Variants in FANCG observed in about 807,000 individuals in gnomAD.
FANCG encodes the protein Fanconi anemia group G protein.
Under a neutral mutation model 73.3 loss-of-function variants are expected in FANCG, and 67 were observed. The observed-to-expected ratio is 0.91, with a 90% CI of 0.75 to 1.12. The LOEUF is 1.12. FANCG is among the 50% of genes most tolerant of loss of function. The probability of loss-of-function intolerance (pLI) is 0.00; values close to 1 mark genes in which losing one functional copy is unlikely to be tolerated. For synonymous variants in FANCG, 297 were observed against 311.6 expected (o/e 0.95, Z 0.49); for missense variants, 643 against 735.6 (o/e 0.87, Z 1.46).
At chr9:35,078,366 T>C (rs375129941) in intron 3 of FANCG, 23 bp from the exon 4 acceptor site, 476 of 1,604,060 alleles carry the variant, frequency 3.0e-4, no homozygotes, top group Non-Finnish European at 3.9e-4. Flanking sequence ...CACACACACA[T>C]AGACACACAC....
rs747280785 is a variant in FANCG, at chr9:35,078,594, C to G, written c.307+11G>C. 2 of 1,614,070 alleles carry G rather than the reference C, an allele frequency of 1.2e-6. No homozygotes were observed. Among genetic ancestry groups the G allele is most frequent in the Admixed American group, 1.7e-5 (1 of 60,008 alleles). On this transcript the variant is annotated intron_variant, in intron 3 of 13. Transcript: ENST00000378643. ...ATGGCAGGGGAATCAGGGACAATCT[C>G]TGGCCCTCACCTCTCTCTAGGCTCC...
At position 35,079,632 on chromosome 9, in the gene FANCG, C is replaced by A; in HGVS notation, c.-108G>T. 1 of 1,083,248 alleles carries A rather than the reference C, an allele frequency of 9.2e-7. No homozygotes were observed. The highest frequency in any genetic ancestry group is 2.4e-5 in the East Asian group (1 of 41,934). 67.1% of individuals were successfully genotyped at this position (1,083,248 alleles called of 1,614,324 possible). A position where few individuals can be genotyped will look rare whatever the true frequency, so the allele number is the denominator to read the frequency against. On this transcript the variant is annotated 5_prime_UTR_variant, in exon 1 of 14. Coordinates refer to ENST00000378643, the MANE Select transcript of FANCG (RefSeq NM_004629.2). Reference sequence around the variant, plus strand: ...GAGGGGCCTGGGCACTTCTGCACCCCGCCGAGCTCCCCTGCTTCTCTCGGG... The same window carrying A: ...GAGGGGCCTGGGCACTTCTGCACCCAGCCGAGCTCCCCTGCTTCTCTCGGG...
Position 35,073,988 on chromosome 9 carries a change from C to G in FANCG, c.*120G>C, listed in dbSNP as rs1587138056. On this transcript the variant is annotated 3_prime_UTR_variant, in exon 14 of 14. Transcript: ENST00000378643. Reference sequence around the variant, plus strand: ...CAAATTTCACAGGCCTACCACCAATCTCACCAGTCCAGGAATTATATAGGA... The same window carrying G: ...CAAATTTCACAGGCCTACCACCAATGTCACCAGTCCAGGAATTATATAGGA... The G allele has an allele frequency of 2.4e-6, 2 of 819,972 alleles. No homozygotes were observed. Among genetic ancestry groups the G allele is most frequent in the South Asian group, 2.8e-5 (2 of 72,032 alleles). 50.8% of individuals were successfully genotyped at this position (819,972 alleles called of 1,614,324 possible).
intron 2 of FANCG, 120 bp downstream of exon 2, chr9:35,079,031 T>C: frequency 1.1e-6 from 1 of 875,898 alleles, no homozygotes; most frequent in Non-Finnish European, 1.8e-6. Flanking sequence ...TCCAGTCTCC[T>C]CTGTGCCTTA....
In FANCG at chr9:35,077,295, A is replaced by C. The variant is rs1319654712; in HGVS notation, c.615T>G (p.Asp205Glu). 44 of 1,614,210 alleles carry C rather than the reference A, an allele frequency of 2.7e-5. No individual in the cohort carries two copies. The highest frequency in any genetic ancestry group is 3.7e-5 in the Non-Finnish European group (44 of 1,180,040). The stretch of plus-strand genomic sequence containing the variant: ...GGTAGGCAAATGCTGTCAGGAGGAC[A>C]TCCTTCAATCCCTGGGCATCCTGCA... The part of the protein sequence containing the change: ...LTLQDAQGLK[D>E]VLLTAFAYRQ... Residue 205 changes from aspartate to glutamate, a missense_variant, in exon 5 of 14, where the codon GAT becomes GAG. Physicochemically the swap from Asp to Glu is conservative, Grantham distance 45 (BLOSUM62 2). Transcript: ENST00000378643.
chr9:35,077,095 T>C lies in FANCG; in HGVS notation c.653A>G (p.Gln218Arg). ...LTAFAYRQGL[Q>R]ELITGNPDKA... is the part of the protein sequence containing the mutation. ...GTCTGGGTTCCCTGTGATCAGCTCCTGGAGACCTGAGGACAGTCAGGGTGT... is the reference window on the plus strand; with the variant it reads ...GTCTGGGTTCCCTGTGATCAGCTCCCGGAGACCTGAGGACAGTCAGGGTGT... Residue 218 changes from glutamine to arginine, a missense_variant, in exon 6 of 14, where the codon CAG becomes CGG. Gln to Arg is a conservative substitution (Grantham distance 43). Coordinates refer to ENST00000378643, the MANE Select transcript of FANCG (RefSeq NM_004629.2). The C allele has an allele frequency of 1.9e-6, 3 of 1,614,160 alleles. No homozygotes were observed. The highest frequency in any genetic ancestry group is 2.5e-6 in the Non-Finnish European group (3 of 1,180,014).
At position 35,079,570 on chromosome 9, in the gene FANCG, G is replaced by A. The variant is rs2131060493; in HGVS notation, c.-46C>T. On this transcript the variant is annotated 5_prime_UTR_variant, in exon 1 of 14. Transcript: ENST00000378643. ...GAGACCAGAAGCGGACTTAGGAAGGGTGAAGCTGGCCTGCCCAAGCTCCCA... is the reference window on the plus strand; with the variant it reads ...GAGACCAGAAGCGGACTTAGGAAGGATGAAGCTGGCCTGCCCAAGCTCCCA... 1 of 1,599,312 alleles carries A rather than the reference G, an allele frequency of 6.3e-7. No individual in the cohort carries two copies. Among genetic ancestry groups the A allele is most frequent in the Non-Finnish European group, 8.6e-7 (1 of 1,167,302 alleles).
rs756482885 is a variant in FANCG at position 35,078,354 on chromosome 9, TAC to T, written c.308-13_308-12del. The T allele has an allele frequency of 5.6e-6, 9 of 1,611,420 alleles. No homozygotes were observed. Among genetic ancestry groups the T allele is most frequent in the South Asian group, 1.1e-5 (1 of 90,998 alleles). On this transcript the variant is annotated splice_polypyrimidine_tract_variant and intron_variant, in intron 3 of 13. Transcript: ENST00000378643. ...CCTGTGTCTCCAGCACTGTAGAGTA[TAC>T]ACACACACATAGACACACACACAGC...
At chr9:35,077,928 A>G in intron 4 of FANCG, 4 of 597,108 alleles carry the variant, frequency 6.7e-6, no homozygotes, top group Non-Finnish European at 9.0e-6. Flanking sequence ...ATGAGCCACC[A>G]TGCCTGTCCA....
Position 35,076,238 on chromosome 9 carries a change from A to T in FANCG, c.1076+194T>A, listed in dbSNP as rs543995364. Reference sequence around the variant, plus strand: ...GGGAAGAGACTTCAGAGTGTCAAAGATAGAGAAGGTTAATGTCTTAGAGAA... The same window carrying T: ...GGGAAGAGACTTCAGAGTGTCAAAGTTAGAGAAGGTTAATGTCTTAGAGAA... On this transcript the variant is annotated intron_variant, in intron 8 of 13. Transcript: ENST00000378643. 136 of 798,020 alleles carry T rather than the reference A, an allele frequency of 1.7e-4. 4 individuals carry two copies. In the South Asian group the frequency reaches 2.0e-3, roughly 12 times the overall value. The allele number at this position is 798,020 out of a possible 1,614,324, so 49.4% of individuals were successfully genotyped here.
chr9:35,075,164 G>A (rs1294172190), intron 11 of FANCG, 82 bp from the exon 12 acceptor site: 5 of 1,607,558 alleles, frequency 3.1e-6, no homozygotes, highest in Non-Finnish European at 4.3e-6. Context: ...ATTTCTTCTT[G>A]TGTCCACAGT....
Position 35,075,972 on chromosome 9 carries a change from G to T in FANCG, c.1133C>A (p.Ser378Ter). ...LDLLALLLDS[S>*]EPRFSPPPSP... ...TGAAGACACACCCACCCTTGGCTCC[G>T]AGCTATCCAGCAACAGGGCCAGCAG... is the stretch of plus-strand genomic sequence containing the variant. Residue 378 changes from serine to a stop codon, truncating the protein, a stop_gained, in exon 9 of 14, where the codon TCG (serine) becomes TAG (stop). Transcript: ENST00000378643. LOFTEE classifies it high-confidence loss of function. The T allele has an allele frequency of 1.2e-6, 2 of 1,614,088 alleles. No homozygotes were observed. Among genetic ancestry groups the T allele is most frequent in the Middle Eastern group, 1.6e-4 (1 of 6,062 alleles).
At position 35,074,992 on chromosome 9, in the gene FANCG, C is replaced by A. The variant is rs2131052933; in HGVS notation, c.1571G>T (p.Trp524Leu). 1 of 1,614,212 alleles carries A rather than the reference C, an allele frequency of 6.2e-7. No homozygotes were observed. Reference sequence around the variant, plus strand: ...TTTGGTATCCTGGCCGCTGGCTACCCATTCCAGTCCACGACTAATTAGGGC... The same window carrying A: ...TTTGGTATCCTGGCCGCTGGCTACCAATTCCAGTCCACGACTAATTAGGGC... ...AAALISRGLE[W>L]VASGQDTKAL... Residue 524 changes from tryptophan (W) to leucine (L), a missense_variant, in exon 12 of 14, where the codon TGG becomes TTG. By Grantham distance (61) the Trp-to-Leu change is moderately conservative (BLOSUM62 -2). Coordinates refer to ENST00000378643, the MANE Select transcript of FANCG (RefSeq NM_004629.2).
At position 35,075,024 on chromosome 9, in the gene FANCG, C is replaced by T. The variant is rs763553947; in HGVS notation, c.1539G>A (p.Arg513=). 1 of 1,614,232 alleles carries T rather than the reference C, an allele frequency of 6.2e-7. No individual in the cohort carries two copies. The highest frequency in any genetic ancestry group is 1.1e-5 in the South Asian group (1 of 91,082). ...CKSDAALQQL[R]AAALISRGLE... ...GTCCACGACTAATTAGGGCGGCTGC[C>T]CGAAGCTGCTGCAGTGCCGCATCTG... The change falls in exon 12 of 14, where the codon CGG becomes CGA. Residue 513 remains arginine (R), a synonymous_variant. Coordinates refer to ENST00000378643, the MANE Select transcript of FANCG (RefSeq NM_004629.2).
chr9:35,077,322 G>T lies in FANCG; in HGVS notation c.588C>A (p.Thr196=). Residue 196 remains threonine (T), a synonymous_variant, in exon 5 of 14, where the codon ACC becomes ACA. Transcript: ENST00000378643. ...CCTTCAATCCCTGGGCATCCTGCAG[G>T]GTCAATGGAGCATCTAATTCCTCAG... ...PPAEELDAPL[T]LQDAQGLKDV... 6.2e-7 allele frequency: 1 copy of T among 1,614,126 alleles called. No homozygotes were observed. Among genetic ancestry groups the T allele is most frequent in the Non-Finnish European group, 8.5e-7 (1 of 1,180,006 alleles).
rs763033981 is a variant in FANCG, at chr9:35,076,046, A to G, written c.1077-18T>C. 2 of 1,613,264 alleles carry G rather than the reference A, an allele frequency of 1.2e-6. No individual in the cohort carries two copies. The highest frequency in any genetic ancestry group is 1.1e-5 in the South Asian group (1 of 91,072). On this transcript the variant is annotated intron_variant, in intron 8 of 13. Coordinates refer to ENST00000378643, the MANE Select transcript of FANCG (RefSeq NM_004629.2). ...CTCCTGCCCTGAGGAGTAAAAGCCC[A>G]TAAGCCTCACCCTAGGCCCTAGCAG...
intron 12 of FANCG, 168 bp downstream of exon 12, chr9:35,074,759 C>T (rs1829050912): frequency 2.1e-6 from 2 of 939,718 alleles, no homozygotes; most frequent in East Asian, 2.5e-5. Flanking sequence ...CCTGCATACA[C>T]ACTGTGTATA....
chr9:35,074,860 G>T lies in FANCG; in HGVS notation c.1636+67C>A. On this transcript the variant is annotated intron_variant, in intron 12 of 13. Coordinates refer to ENST00000378643, the MANE Select transcript of FANCG (RefSeq NM_004629.2). ...ACACCACTCTTACACTTACGCCCAA[G>T]TATTTCCCATGGGCCTCTCTGTCCT... is the stretch of plus-strand genomic sequence containing the variant. The T allele has an allele frequency of 2.5e-6, 4 of 1,595,136 alleles. No homozygotes were observed. In the South Asian group the frequency reaches 4.4e-5, roughly 18 times the overall value.
At position 35,076,821 on chromosome 9, in the gene FANCG, C is replaced by G. The variant is rs774687438; in HGVS notation, c.827G>C (p.Gly276Ala). Residue 276 changes from glycine (G) to alanine (A), a missense_variant, in exon 7 of 14, where the codon GGA (glycine) becomes GCA (alanine). By Grantham distance (60) the Gly-to-Ala change is moderately conservative (BLOSUM62 0). Transcript: ENST00000378643. Reference protein sequence around the residue: ...LLYLVAALKEGSAWGPPLLEA... With the variant: ...LLYLVAALKEASAWGPPLLEA... Reference sequence around the variant, plus strand: ...CAGAAGTGGAGGACCCCAGGCTGATCCCTCTTTCAGGGCTGCAACCAAGTA... The same window carrying G: ...CAGAAGTGGAGGACCCCAGGCTGATGCCTCTTTCAGGGCTGCAACCAAGTA... 6.2e-7 allele frequency: 1 copy of G among 1,614,186 alleles called. No homozygotes were observed. The highest frequency in any genetic ancestry group is 8.5e-7 in the Non-Finnish European group (1 of 1,180,032).
Sources: gnomAD v4.1 joint callset for allele counts on GRCh38, gnomAD v4.1.1 for gene constraint, MANE v1.5 for transcripts, NCBI Gene and HGNC (gene_info 2026-07-23, HGNC 2026-07-21) for gene names.